ASPRV1: variants seen among roughly 807,000 people sequenced by gnomAD.
The protein encoded by ASPRV1 is retroviral-like aspartic protease 1.
Under a neutral mutation model 11.0 loss-of-function variants are expected in ASPRV1, and 7 were observed. That is an observed-to-expected ratio of 0.64 (90% CI 0.36 to 1.20). The LOEUF is 1.20. Among genes scored for constraint, ASPRV1 ranks in the 50% most tolerant of loss-of-function variants. The pLI is 0.02. For synonymous variants in ASPRV1, 136 were observed against 138.4 expected (o/e 0.98, Z 0.12); for missense variants, 299 against 320.0 (o/e 0.93, Z 0.50).
chr2:70,043,285 G>A, the ASPRV1 span, among the ~76,000 whole-genome samples: 3 of 152,162 alleles, frequency 2.0e-5, no homozygotes, highest in African/African-American at 7.2e-5. Flanking sequence ...GGGCGTGGTG[G>A]TGCGCGCCTG....
chr2:69,947,302 TATA>T, the ASPRV1 span, among the ~76,000 whole-genome samples: 2 of 152,354 alleles, frequency 1.3e-5, no homozygotes, highest in Admixed American at 1.3e-4. Flanking sequence ...CACCACACTT[TATA>T]ATGTTAGGGA....
At chr2:69,965,830 T>C (rs1283255941), upstream of ASPRV1, among the ~76,000 whole-genome samples, 1 of 152,172 alleles carries the variant, frequency 6.6e-6, no homozygotes, top group Non-Finnish European at 1.5e-5. Context: ...CTCCTCAACA[T>C]GAGCGTTCCT....
chr2:70,039,261 C>T, the ASPRV1 span, among the ~76,000 whole-genome samples: 3 of 152,052 alleles, frequency 2.0e-5, no homozygotes, highest in South Asian at 2.1e-4. Flanking sequence ...AAGTCTGCAA[C>T]GCATATAAAG....
chr2:70,083,234 A>G, the ASPRV1 span, among the ~76,000 whole-genome samples: 1 of 152,258 alleles, frequency 6.6e-6, no homozygotes, highest in Non-Finnish European at 1.5e-5. Flanking sequence ...GGTGTAATCC[A>G]TAACTAAGAG....
At chr2:69,944,281 T>A in the ASPRV1 span, among the ~76,000 whole-genome samples, 1 of 152,246 alleles carries the variant, frequency 6.6e-6, no homozygotes, top group Non-Finnish European at 1.5e-5. Context: ...CAAATCTTAT[T>A]TCCGAAGTTT....
chr2:69,987,018 C>T, the ASPRV1 span, among the ~76,000 whole-genome samples: 1 of 152,170 alleles, frequency 6.6e-6, no homozygotes, highest in African/African-American at 2.4e-5. Context: ...GGATGTGCAC[C>T]TTCCTCTGGG....
the ASPRV1 span, among the ~76,000 whole-genome samples, chr2:70,084,355 A>G: frequency 1.3e-5 from 2 of 152,154 alleles, no homozygotes; most frequent in African/African-American, 4.8e-5. Flanking sequence ...TAATTCCCTC[A>G]TCTATTCTGT....
the ASPRV1 span, among the ~76,000 whole-genome samples, chr2:70,047,224 A>C: frequency 6.6e-6 from 1 of 152,232 alleles, no homozygotes; most frequent in Non-Finnish European, 1.5e-5. Flanking sequence ...GAACAAGAAC[A>C]GGATCTAAAG....
the ASPRV1 span, among the ~76,000 whole-genome samples, chr2:70,013,701 C>G: frequency 2.6e-4 from 39 of 152,102 alleles, no homozygotes; most frequent in African/African-American, 8.7e-4. Context: ...ACCAGCCTGG[C>G]CAATACGGTG....
chr2:70,038,664 T>C, the ASPRV1 span, among the ~76,000 whole-genome samples: 10,644 of 152,216 alleles, frequency 0.07, 573 homozygotes, highest in South Asian at 0.24. Context: ...CCAGAAGTGA[T>C]TTTAGGAGGA....
the ASPRV1 span, among the ~76,000 whole-genome samples, chr2:70,063,421 T>C: frequency 6.6e-6 from 1 of 152,188 alleles, no homozygotes; most frequent in Non-Finnish European, 1.5e-5. Flanking sequence ...CAGAGAGAAA[T>C]TCCACAGATT....
chr2:70,085,855 C>T, the ASPRV1 span: 1 of 152,270 alleles, frequency 6.6e-6, no homozygotes, highest in Non-Finnish European at 1.5e-5. Context: ...GCACTGTAGT[C>T]TCTTCGTAGC....
chr2:69,989,908 G>A, the ASPRV1 span, among the ~76,000 whole-genome samples: 1 of 152,274 alleles, frequency 6.6e-6, no homozygotes, highest in Admixed American at 6.5e-5. Context: ...CAGCGGTGAT[G>A]ATGATGATGG....
At chr2:70,012,842 A>C in the ASPRV1 span, among the ~76,000 whole-genome samples, 1 of 152,214 alleles carries the variant, frequency 6.6e-6, no homozygotes, top group East Asian at 1.9e-4. Context: ...ATTAGGAAAA[A>C]AATGACTAAC....
chr2:69,994,428 T>C, the ASPRV1 span, among the ~76,000 whole-genome samples: 2 of 151,862 alleles, frequency 1.3e-5, no homozygotes, highest in African/African-American at 2.4e-5. Flanking sequence ...GCAGTGAGAG[T>C]CTGGGAAAGA....
At chr2:69,937,499 C>T in the ASPRV1 span, 1 of 1,133,228 alleles carries the variant, frequency 8.8e-7, no homozygotes, top group Non-Finnish European at 1.2e-6. Flanking sequence ...AACTAAGACA[C>T]TGGGTATGAT....
At chr2:69,984,227 C>T in the ASPRV1 span, among the ~76,000 whole-genome samples, 25 of 152,060 alleles carry the variant, frequency 1.6e-4, no homozygotes, top group African/African-American at 5.1e-4. Flanking sequence ...TTAGTAGAGA[C>T]GAGGTTTCAC....
At position 69,960,411 on chromosome 2, in the gene ASPRV1, G is replaced by A. The variant is rs990028991; in HGVS notation, c.*246C>T. ...CTTTGAGTCTTTGTCATCAACAGCA[G>A]CTTGATGACCATGGGGACCCTGTCC... On this transcript the variant is annotated 3_prime_UTR_variant, in exon 1 of 1. Transcript: ENST00000320256. 5 of 489,884 alleles carry A rather than the reference G, an allele frequency of 1.0e-5. No individual in the cohort carries two copies. Among genetic ancestry groups the A allele is most frequent in the African/African-American group, 3.8e-5 (2 of 52,568 alleles). The allele number at this position is 489,884 out of a possible 1,614,324, so 30.3% of individuals were successfully genotyped here.
chr2:69,984,163 C>T, the ASPRV1 span, among the ~76,000 whole-genome samples: 2 of 152,144 alleles, frequency 1.3e-5, no homozygotes, highest in African/African-American at 2.4e-5. Flanking sequence ...CTTAGCCTCC[C>T]AAGTAGCTGG....
Sources: gnomAD v4.1 joint callset for allele counts (sites outside exome capture counted in the v4.1 genomes callset) on GRCh38, gnomAD v4.1.1 for gene constraint, MANE v1.5 for transcripts, NCBI Gene and HGNC (gene_info 2026-07-23, HGNC 2026-07-21) for gene names.